The following TUBGCP3 variants were observed in gnomAD, a reference collection of about 807,000 sequenced individuals.
TUBGCP3 encodes the protein gamma-tubulin complex component 3.
Under a neutral mutation model 123.1 loss-of-function variants are expected in TUBGCP3, and 50 were observed. The ratio of observed to expected loss-of-function variants is 0.41; its 90% CI spans 0.32 to 0.51. The LOEUF is 0.51. Among genes scored for constraint, TUBGCP3 ranks in the 20% least tolerant of loss-of-function variants. The probability of loss-of-function intolerance (pLI) is 0.36; values close to 1 mark genes in which losing one functional copy is unlikely to be tolerated. For missense variants in TUBGCP3, 882 were observed against 1,127.0 expected, an observed-to-expected ratio of 0.78 and a Z score of 3.11; for synonymous variants, 405 against 413.9, an observed-to-expected ratio of 0.98 and a Z score of 0.26.
At chr13:112,551,895 G>A (rs1337634670) in intron 8 of TUBGCP3, among the ~76,000 whole-genome samples, 1 of 152,186 alleles carries the variant, frequency 6.6e-6, no homozygotes, top group Non-Finnish European at 1.5e-5. Context: ...GGGGGGCAGA[G>A]TGGTTTTGGG....
chr13:112,576,828 T>C (rs565989268), intron 1 of TUBGCP3, among the ~76,000 whole-genome samples: 32 of 150,194 alleles, frequency 2.1e-4, no homozygotes, highest in Admixed American at 2.1e-3. Context: ...CTCAAATCAA[T>C]AATCTCAGTT....
rs1486686726 is a variant in TUBGCP3, at chr13:112,511,111, G to C, written c.2086+5329C>G. ...TATCATTCACTGAGTCTAAGACACT[G>C]TCATTTGTAAGATGAATCGTTATTA... is the stretch of plus-strand genomic sequence containing the variant. On this transcript the variant is annotated intron_variant, in intron 17 of 21. Transcript: ENST00000261965. The surrounding 1 kb of genome is among the most constrained non-coding windows in gnomAD (Gnocchi z 4.1). Among the ~76,000 whole-genome samples, 2 of 152,168 alleles carry C rather than the reference G, an allele frequency of 1.3e-5. No homozygotes were observed. Among genetic ancestry groups the C allele is most frequent in the African/African-American group, 2.4e-5 (1 of 41,452 alleles).
intron 11 of TUBGCP3, among the ~76,000 whole-genome samples, chr13:112,529,431 T>C (rs1368027298): frequency 6.6e-6 from 1 of 152,248 alleles, no homozygotes; most frequent in Non-Finnish European, 1.5e-5. Context: ...TCTATTTACA[T>C]TCTCCAATGA....
rs115974787 is a variant in TUBGCP3, at chr13:112,556,164, G to A, written c.609C>T (p.Leu203=). ...GCTGATTTGCAGTTAAAGTCCATGC[G>A]AGTCGTGACCCCAACTGCTGTCGAA... ...DCLRQQLGSR[L]AWTLTANQPS... is the part of the protein sequence containing the mutation. Residue 203 remains leucine, a synonymous_variant, in exon 6 of 22, where the codon CTC becomes CTT. Transcript: ENST00000261965. The A allele has an allele frequency of 2.3e-3, 3,634 of 1,614,088 alleles. 65 individuals are homozygous for A. In the African/African-American group the frequency reaches 0.041, roughly 18 times the overall value.
At chr13:112,501,202 T>TA (rs1880882307) in intron 19 of TUBGCP3, among the ~76,000 whole-genome samples, 1 of 152,272 alleles carries the variant, frequency 6.6e-6, no homozygotes, top group Non-Finnish European at 1.5e-5. Context: ...GTTCTCATCT[T>TA]AGAGCTGTTC....
At position 112,494,709 on chromosome 13, in the gene TUBGCP3, C is replaced by T. The variant is rs192506656; in HGVS notation, c.2448+4336G>A. On this transcript the variant is annotated intron_variant, in intron 20 of 21. Coordinates refer to ENST00000261965, the MANE Select transcript of TUBGCP3 (RefSeq NM_006322.6). ...CCGCAGTGTGTGAGGGTTCCCTTTTCTTCACATCCTCGCCAGCATTTGTTC... is the reference window on the plus strand; with the variant it reads ...CCGCAGTGTGTGAGGGTTCCCTTTTTTTCACATCCTCGCCAGCATTTGTTC... Among the ~76,000 whole-genome samples the T allele has an allele frequency of 2.8e-3, 432 of 152,310 alleles. 1 individual carries two copies. The highest frequency in any genetic ancestry group is 3.9e-3 in the Non-Finnish European group (263 of 68,024).
the TUBGCP3 span, among the ~76,000 whole-genome samples, chr13:112,595,635 C>T: frequency 0.025 from 3,872 of 152,072 alleles, 79 homozygotes; most frequent in Middle Eastern, 0.058. Context: ...ATAGGACTGC[C>T]TCTTTTGATT....
intron 11 of TUBGCP3, among the ~76,000 whole-genome samples, chr13:112,544,317 T>G (rs938830723): frequency 6.6e-6 from 1 of 151,872 alleles, no homozygotes; most frequent in African/African-American, 2.4e-5. Context: ...CCAGGCATGG[T>G]GGCGGGCACC....
chr13:112,573,749 G>A (rs960947604), intron 1 of TUBGCP3, among the ~76,000 whole-genome samples: 1 of 152,230 alleles, frequency 6.6e-6, no homozygotes, highest in Non-Finnish European at 1.5e-5. Context: ...CTGCCTGTCT[G>A]CCCAACTTCT....
At chr13:112,517,501 G>A (rs1876243636) in intron 16 of TUBGCP3, among the ~76,000 whole-genome samples, 3 of 152,132 alleles carry the variant, frequency 2.0e-5, no homozygotes, top group African/African-American at 4.8e-5. Context: ...TGAAATAATC[G>A]ATGCAATTAT....
At chr13:112,490,253 A>ATGTT (rs141278508) in intron 20 of TUBGCP3, among the ~76,000 whole-genome samples, 49 of 152,222 alleles carry the variant, frequency 3.2e-4, no homozygotes, top group African/African-American at 8.7e-4. Flanking sequence ...TATAGGAATT[A>ATGTT]TGTTTGTTTG....
chr13:112,595,676 T>G, the TUBGCP3 span, among the ~76,000 whole-genome samples: 1 of 152,176 alleles, frequency 6.6e-6, no homozygotes, highest in Non-Finnish European at 1.5e-5. Context: ...TTTCTATTTT[T>G]TTCCCCTTTC....
Position 112,545,776 on chromosome 13 carries a change from T to C in TUBGCP3, c.1258A>G (p.Ser420Gly). The change falls in exon 11 of 22, where the codon AGC becomes GGC. Residue 420 changes from serine to glycine, a missense_variant. Transcript: ENST00000261965. The surrounding 1 kb of genome is among the most constrained non-coding windows in gnomAD (Gnocchi z 4.1). ...YMRSLVQHIL[S>G]LVSHPVLSFL... is the part of the protein sequence containing the mutation. Reference sequence around the variant, plus strand: ...CTCAAAACAGGATGAGACACGAGGCTGAGGATGTGCTGCACCAGAGACCGC... The same window carrying C: ...CTCAAAACAGGATGAGACACGAGGCCGAGGATGTGCTGCACCAGAGACCGC... 1.9e-6 allele frequency: 3 copies of C among 1,614,212 alleles called. No homozygotes were observed. The Admixed American group carries it at 5.0e-5, about 27-fold the overall frequency.
At chr13:112,526,459 C>G (rs1001597502) in intron 13 of TUBGCP3, among the ~76,000 whole-genome samples, 1 of 137,798 alleles carries the variant, frequency 7.3e-6, no homozygotes, top group South Asian at 2.5e-4. Context: ...GCCACCCATC[C>G]CCATCATTAT....
intron 19 of TUBGCP3, among the ~76,000 whole-genome samples, chr13:112,499,706 C>T (rs1027915219): frequency 6.6e-6 from 1 of 151,720 alleles, no homozygotes; most frequent in South Asian, 2.1e-4. Flanking sequence ...TAGTTTATAC[C>T]AGAAATAAAA....
At chr13:112,518,741 T>C (rs1177615782) in intron 16 of TUBGCP3, among the ~76,000 whole-genome samples, 1 of 152,172 alleles carries the variant, frequency 6.6e-6, no homozygotes, top group African/African-American at 2.4e-5. Flanking sequence ...AAACCTATGA[T>C]AGAACAAATG....
chr13:112,586,637 T>C (rs1241460160), intron 1 of TUBGCP3, among the ~76,000 whole-genome samples: 1 of 152,200 alleles, frequency 6.6e-6, no homozygotes, highest in Non-Finnish European at 1.5e-5. Flanking sequence ...CTCACCTGCC[T>C]CTTCCCTCTC....
At position 112,556,310 on chromosome 13, in the gene TUBGCP3, T is replaced by C. The variant is rs1880037582; in HGVS notation, c.549-86A>G. The C allele has an allele frequency of 2.4e-6, 3 of 1,272,144 alleles. No individual in the cohort carries two copies. In the South Asian group the frequency reaches 4.2e-5, roughly 18 times the overall value. 78.8% of individuals were successfully genotyped at this position (1,272,144 alleles called of 1,614,324 possible). ...CCTAGAAATTTCTCTTGTATTACTA[T>C]CGTGAATTACATAAATTTATAAATC... On this transcript the variant is annotated intron_variant, in intron 5 of 21. Transcript: ENST00000261965.
intron 1 of TUBGCP3, among the ~76,000 whole-genome samples, chr13:112,575,906 C>G (rs1414017410): frequency 6.6e-6 from 1 of 152,200 alleles, no homozygotes; most frequent in Admixed American, 6.5e-5. Flanking sequence ...GCAGCACCCC[C>G]CAGAGCCTCC....
Sources: gnomAD v4.1 joint callset for allele counts (sites outside exome capture counted in the v4.1 genomes callset) on GRCh38, gnomAD v4.1.1 for gene constraint, Gnocchi (gnomAD v3.1) non-coding constraint, MANE v1.5 for transcripts, NCBI Gene and HGNC (gene_info 2026-07-23, HGNC 2026-07-21) for gene names.